NELL1: variants seen among roughly 807,000 people sequenced by gnomAD.
The protein encoded by NELL1 is protein kinase C-binding protein NELL1.
A neutral mutation model predicts 107.4 loss-of-function variants in NELL1; 76 were observed. The ratio of observed to expected loss-of-function variants is 0.71; its 90% confidence interval spans 0.59 to 0.86. The LOEUF (loss-of-function observed/expected upper bound fraction) is 0.86, where lower values mean the gene tolerates loss of function less well. Among genes scored for constraint, NELL1 ranks in the 40% least tolerant of loss-of-function variants. The pLI is 0.00. For missense variants in NELL1, 1,024 were observed against 1,005.5 expected, an observed-to-expected ratio of 1.02 and a Z score of -0.25; for synonymous variants, 353 against 341.2, an observed-to-expected ratio of 1.03 and a Z score of -0.38.
intron 15 of NELL1, among the ~76,000 whole-genome samples, chr11:21,515,696 C>T (rs920253758): frequency 6.6e-6 from 1 of 152,128 alleles, no homozygotes; most frequent in Non-Finnish European, 1.5e-5. Context: ...TGCACCTGCC[C>T]TAAGGGATAG....
chr11:21,432,843 A>G (rs1443438381), intron 15 of NELL1, among the ~76,000 whole-genome samples: 1 of 152,226 alleles, frequency 6.6e-6, no homozygotes, highest in African/African-American at 2.4e-5. Flanking sequence ...GATTTCAAAC[A>G]TTAATCATTT....
chr11:20,910,716 G>A (rs1850110156), intron 5 of NELL1, among the ~76,000 whole-genome samples: 1 of 152,192 alleles, frequency 6.6e-6, no homozygotes, highest in Non-Finnish European at 1.5e-5. Context: ...TAGATTGTAG[G>A]CTTCACCAGG....
At chr11:21,573,944 T>C (rs1204346170) in intron 19 of NELL1, among the ~76,000 whole-genome samples, 2 of 151,856 alleles carry the variant, frequency 1.3e-5, no homozygotes, top group Non-Finnish European at 2.9e-5. Context: ...CTGCAGCTCT[T>C]GCTACAGCAT....
chr11:20,707,322 C>T (rs1335584777), intron 2 of NELL1, among the ~76,000 whole-genome samples: 1 of 151,734 alleles, frequency 6.6e-6, no homozygotes, highest in East Asian at 1.9e-4. Context: ...TCCTTTAGCT[C>T]AGAGAAGTTT....
chr11:21,161,199 G>T (rs116101325), intron 13 of NELL1, among the ~76,000 whole-genome samples: 2,226 of 152,054 alleles, frequency 0.015, 68 homozygotes, highest in African/African-American at 0.049. Context: ...CTTGCATCTG[G>T]GCTATTATTT....
At chr11:21,513,816 C>T (rs1057481893) in intron 15 of NELL1, among the ~76,000 whole-genome samples, 10 of 152,056 alleles carry the variant, frequency 6.6e-5, no homozygotes, top group African/African-American at 2.4e-4. Context: ...GGTTCCATAG[C>T]CAATTAAGGA....
intron 2 of NELL1, among the ~76,000 whole-genome samples, chr11:20,753,284 A>G (rs1435400588): frequency 6.6e-6 from 1 of 152,238 alleles, no homozygotes; most frequent in Non-Finnish European, 1.5e-5. Context: ...GAAATTTTGT[A>G]TTCCAAAAAG....
At chr11:21,196,946 A>T (rs2133843035) in intron 13 of NELL1, among the ~76,000 whole-genome samples, 1 of 143,446 alleles carries the variant, frequency 7.0e-6, no homozygotes, top group East Asian at 2.0e-4. Context: ...ATCTTGGCTC[A>T]CTGCAACATC....
chr11:20,993,960 A>G (rs1269020150), intron 12 of NELL1, among the ~76,000 whole-genome samples: 1 of 151,976 alleles, frequency 6.6e-6, no homozygotes, highest in Non-Finnish European at 1.5e-5. Context: ...ATAATATTTG[A>G]TGACAAATAT....
chr11:20,951,303 T>G (rs1390779263), intron 11 of NELL1, among the ~76,000 whole-genome samples: 1 of 151,798 alleles, frequency 6.6e-6, no homozygotes, highest in Admixed American at 6.6e-5. Flanking sequence ...ATGAAGTTAA[T>G]TTTTTTTTAA....
chr11:21,064,325 C>T (rs545011767), intron 12 of NELL1, among the ~76,000 whole-genome samples: 7 of 152,208 alleles, frequency 4.6e-5, no homozygotes, highest in Admixed American at 1.3e-4. Context: ...CGGACTATAA[C>T]AAACAAGAAT....
intron 14 of NELL1, among the ~76,000 whole-genome samples, chr11:21,296,598 CAGACCTATT>C (rs745552376): frequency 1.3e-4 from 19 of 151,886 alleles, no homozygotes; most frequent in Non-Finnish European, 1.3e-4. Context: ...ATCACAAATA[CAGACCTATT>C]AGACAAATGG....
chr11:21,043,925 A>G (rs573348740), intron 12 of NELL1, among the ~76,000 whole-genome samples: 20 of 152,270 alleles, frequency 1.3e-4, no homozygotes, highest in African/African-American at 4.3e-4. Flanking sequence ...TCTTTTTCAG[A>G]TATCTGTGAA....
intron 12 of NELL1, among the ~76,000 whole-genome samples, chr11:21,081,246 C>A (rs186683328): frequency 1.8e-4 from 28 of 152,284 alleles, no homozygotes; most frequent in Admixed American, 1.1e-3. Context: ...ACTTTCTTCT[C>A]TTTTCTGTGG....
At chr11:21,156,720 A>G (rs1856244555) in intron 13 of NELL1, among the ~76,000 whole-genome samples, 1 of 152,160 alleles carries the variant, frequency 6.6e-6, no homozygotes, top group Admixed American at 6.6e-5. Flanking sequence ...ATTAGTCAGC[A>G]GGTCATTCAT....
At chr11:20,999,770 T>C (rs943703154) in intron 12 of NELL1, among the ~76,000 whole-genome samples, 21 of 151,438 alleles carry the variant, frequency 1.4e-4, no homozygotes, top group Admixed American at 1.3e-3. Flanking sequence ...CTTTAAAAGG[T>C]ATGGACTTCT....
At chr11:21,186,775 A>G (rs1856943973) in intron 13 of NELL1, among the ~76,000 whole-genome samples, 1 of 151,936 alleles carries the variant, frequency 6.6e-6, no homozygotes, top group Non-Finnish European at 1.5e-5. Context: ...AAAATTTTCT[A>G]AATAGAGGGA....
At chr11:21,255,163 G>A (rs1300804967) in intron 14 of NELL1, among the ~76,000 whole-genome samples, 2 of 152,068 alleles carry the variant, frequency 1.3e-5, no homozygotes, top group Non-Finnish European at 2.9e-5. Flanking sequence ...CTATTCGGGT[G>A]ACAACATCTT....
intron 2 of NELL1, among the ~76,000 whole-genome samples, chr11:20,708,196 G>T (rs775850055): frequency 6.6e-6 from 1 of 152,222 alleles, no homozygotes; most frequent in African/African-American, 2.4e-5. Flanking sequence ...CTGTTGGAAA[G>T]CACAGTATTA....
Sources: allele counts gnomAD v4.1 joint callset (sites outside exome capture counted in the v4.1 genomes callset), GRCh38; gene constraint gnomAD v4.1.1; transcripts MANE v1.5; gene names NCBI Gene and HGNC (gene_info 2026-07-23, HGNC 2026-07-21).